Variants in ATP11B observed in about 807,000 individuals in gnomAD.
The protein encoded by ATP11B is ATPase phospholipid transporting 11B (putative).
Under a neutral mutation model 157.8 loss-of-function variants are expected in ATP11B, and 81 were observed. That is an observed-to-expected ratio of 0.51 (90% CI 0.43 to 0.62). ATP11B has a LOEUF of 0.62. Ranked by LOEUF, ATP11B falls within the 20% of genes least tolerant of loss-of-function variation. ATP11B has a pLI of 0.00. For missense variants in ATP11B, 1,165 were observed against 1,402.2 expected, an observed-to-expected ratio of 0.83 and a Z score of 2.70; for synonymous variants, 451 against 469.4, an observed-to-expected ratio of 0.96 and a Z score of 0.51.
intron 19 of ATP11B, among the ~76,000 whole-genome samples, chr3:182,875,551 C>T (rs1239929715): frequency 6.6e-6 from 1 of 152,166 alleles, no homozygotes; most frequent in Non-Finnish European, 1.5e-5. Flanking sequence ...AAGTGATTCT[C>T]CTGCCTCAGC....
At chr3:182,802,399 G>A (rs1359715196) in intron 1 of ATP11B, among the ~76,000 whole-genome samples, 3 of 152,030 alleles carry the variant, frequency 2.0e-5, no homozygotes, top group African/African-American at 4.8e-5. Context: ...CAGAGTAAAA[G>A]CCAAAGTCTC....
chr3:182,883,686 T>C (rs1722589826), intron 21 of ATP11B, among the ~76,000 whole-genome samples: 2 of 150,176 alleles, frequency 1.3e-5, no homozygotes, highest in Non-Finnish European at 3.0e-5. Context: ...CCGGGCGCGG[T>C]GGCTCACGCC....
intron 26 of ATP11B, 48 bp from the exon 27 acceptor site, chr3:182,897,255 A>C: frequency 5.8e-6 from 6 of 1,041,986 alleles, no homozygotes; most frequent in Non-Finnish European, 8.4e-6. Flanking sequence ...AGGTTAAGGT[A>C]AAGCTTTATT....
At position 182,797,443 on chromosome 3, in the gene ATP11B, C is replaced by T. The variant is rs1484779428; in HGVS notation, c.27+3657C>T. Among the ~76,000 whole-genome samples the T allele has an allele frequency of 2.6e-5, 4 of 152,306 alleles. No homozygotes were observed. In the East Asian group the frequency reaches 5.8e-4, roughly 22 times the overall value. ...TAAAACCTGGCCGGGCAAGGTGGCT[C>T]ATTCCTGTAATCCCAGTACTTTGGG... On this transcript the variant is annotated intron_variant, in intron 1 of 29. Transcript: ENST00000323116.
chr3:182,882,488 T>A (rs1180990774), intron 21 of ATP11B, among the ~76,000 whole-genome samples: 3 of 151,690 alleles, frequency 2.0e-5, no homozygotes, highest in Admixed American at 1.3e-4. Flanking sequence ...AAAAAATGGA[T>A]AAAACTGGTT....
intron 28 of ATP11B, among the ~76,000 whole-genome samples, chr3:182,908,853 TAAACAC>T (rs1724568123): frequency 6.6e-6 from 1 of 152,228 alleles, no homozygotes; most frequent in African/African-American, 2.4e-5. Flanking sequence ...AACATTTCCT[TAAACAC>T]AAACCTCTTC....
intron 25 of ATP11B, among the ~76,000 whole-genome samples, chr3:182,895,839 T>TTG (rs1329936486): frequency 6.6e-6 from 1 of 152,132 alleles, no homozygotes; most frequent in Non-Finnish European, 1.5e-5. Flanking sequence ...GTTCTGACCC[T>TTG]TGTTCTGGCA....
intron 28 of ATP11B, chr3:182,902,623 A>G (rs1322148230): frequency 9.1e-7 from 1 of 1,096,264 alleles, no homozygotes; most frequent in African/African-American, 1.6e-5. Context: ...GGTCAATTAA[A>G]CAATATCAAA....
At chr3:182,799,456 T>G (rs937279609) in intron 1 of ATP11B, among the ~76,000 whole-genome samples, 1 of 152,164 alleles carries the variant, frequency 6.6e-6, no homozygotes. Context: ...TTTTGTATTT[T>G]TAGTAGAGAT....
At chr3:182,812,817 C>T (rs140232741) in intron 1 of ATP11B, among the ~76,000 whole-genome samples, 3 of 152,254 alleles carry the variant, frequency 2.0e-5, no homozygotes, top group African/African-American at 7.2e-5. Flanking sequence ...TACCACCATC[C>T]ATCTCTTGAA....
intron 28 of ATP11B, among the ~76,000 whole-genome samples, chr3:182,909,147 A>G (rs1443486288): frequency 6.6e-6 from 1 of 152,254 alleles, no homozygotes; most frequent in African/African-American, 2.4e-5. Flanking sequence ...GTAAGGTTTC[A>G]GGAAAATATT....
At position 182,872,384 on chromosome 3, in the gene ATP11B, A is replaced by T; in HGVS notation, c.1895A>T (p.Tyr632Phe). The change falls in exon 18 of 30, where the codon TAT (tyrosine) becomes TTT (phenylalanine). Residue 632 changes from tyrosine (Y) to phenylalanine (F), a missense_variant. Tyr to Phe is a conservative substitution (Grantham distance 22). Coordinates refer to ENST00000323116, the MANE Select transcript of ATP11B (RefSeq NM_014616.3). Reference protein sequence around the residue: ...LKGLRTLCIAYRKFTSKEYEE... With the variant: ...LKGLRTLCIAFRKFTSKEYEE... ...GGGCTAAGAACTCTGTGTATAGCAT[A>T]TAGAAAATTTACATCAAAAGAGTAT... is the stretch of plus-strand genomic sequence containing the variant. 1 of 1,612,790 alleles carries T rather than the reference A, an allele frequency of 6.2e-7. No homozygotes were observed. Among genetic ancestry groups the T allele is most frequent in the Non-Finnish European group, 8.5e-7 (1 of 1,179,290 alleles).
intron 7 of ATP11B, among the ~76,000 whole-genome samples, chr3:182,839,201 T>C (rs1332163890): frequency 6.6e-6 from 1 of 152,202 alleles, no homozygotes; most frequent in African/African-American, 2.4e-5. Context: ...AAATACTGCA[T>C]ATCCTTACTT....
At chr3:182,848,421 C>A in intron 9 of ATP11B, 55 bp from the exon 10 acceptor site, 1 of 1,009,788 alleles carries the variant, frequency 9.9e-7, no homozygotes, top group Non-Finnish European at 1.4e-6. Flanking sequence ...ATATTTATTT[C>A]TTGTGAAACA....
intron 25 of ATP11B, 103 bp from the exon 26 acceptor site, chr3:182,896,597 C>A: frequency 2.1e-6 from 2 of 955,156 alleles, no homozygotes; most frequent in Non-Finnish European, 1.7e-6. Context: ...ATGTACCTGA[C>A]TTAAATAATT....
At chr3:182,827,383 A>G (rs1717795529) in intron 2 of ATP11B, among the ~76,000 whole-genome samples, 2 of 152,158 alleles carry the variant, frequency 1.3e-5, no homozygotes, top group South Asian at 4.1e-4. Flanking sequence ...GGAACCCTAT[A>G]AGATATGATT....
chr3:182,887,447 A>G (rs1722872175), intron 23 of ATP11B, 139 bp from the exon 24 acceptor site: 1 of 590,794 alleles, frequency 1.7e-6, no homozygotes, highest in African/African-American at 2.0e-5. Context: ...AATTAGAATT[A>G]TTTAATTGGA....
intron 20 of ATP11B, 111 bp from the exon 21 acceptor site, chr3:182,880,768 T>C (rs1007072111): frequency 5.8e-6 from 3 of 521,238 alleles, no homozygotes; most frequent in Non-Finnish European, 9.5e-6. Context: ...AATAAAAAAT[T>C]AAATATTTCT....
chr3:182,814,841 T>C (rs1316474357), intron 1 of ATP11B, among the ~76,000 whole-genome samples: 3 of 152,066 alleles, frequency 2.0e-5, no homozygotes, highest in African/African-American at 7.2e-5. Context: ...GGGAGATAGA[T>C]ACAGAGACAA....
Sources: gnomAD v4.1 joint callset for allele counts (sites outside exome capture counted in the v4.1 genomes callset) on GRCh38, gnomAD v4.1.1 for gene constraint, MANE v1.5 for transcripts, NCBI Gene and HGNC (gene_info 2026-07-23, HGNC 2026-07-21) for gene names.